Variants in ARB2A observed in about 807,000 individuals in gnomAD.
ARB2A encodes ARB2 cotranscriptional regulator A.
chr5:94,037,469 C>A, the ARB2A span, among the ~76,000 whole-genome samples: 1 of 152,058 alleles, frequency 6.6e-6, no homozygotes, highest in Non-Finnish European at 1.5e-5. Flanking sequence ...AATTAAAAAT[C>A]TTCTTAATGA....
chr5:93,896,531 C>A, the ARB2A span, among the ~76,000 whole-genome samples: 4 of 151,916 alleles, frequency 2.6e-5, no homozygotes, highest in African/African-American at 7.2e-5. Context: ...GCAAATACTG[C>A]AAAATCTGAA....
the ARB2A span, among the ~76,000 whole-genome samples, chr5:93,968,115 C>T: frequency 6.6e-6 from 1 of 152,130 alleles, no homozygotes; most frequent in Admixed American, 6.5e-5. Context: ...GACCTATTTA[C>T]TTCAGTTCCT....
the ARB2A span, chr5:93,881,343 G>T: frequency 1.5e-6 from 1 of 667,588 alleles, no homozygotes; most frequent in Non-Finnish European, 2.4e-6. Flanking sequence ...CCAAGTAGAC[G>T]ACTATGGGAA....
At chr5:94,098,153 T>A in the ARB2A span, among the ~76,000 whole-genome samples, 1 of 151,618 alleles carries the variant, frequency 6.6e-6, no homozygotes, top group Admixed American at 6.6e-5. Context: ...AGTCAAACCC[T>A]CAAAGGCATC....
chr5:93,973,143 G>A, the ARB2A span, among the ~76,000 whole-genome samples: 4 of 104,530 alleles, frequency 3.8e-5, no homozygotes, highest in Non-Finnish European at 1.9e-5. Flanking sequence ...TAGAAACCAG[G>A]TCTCACTATG....
chr5:93,788,822 A>G, the ARB2A span, among the ~76,000 whole-genome samples: 2 of 152,212 alleles, frequency 1.3e-5, no homozygotes, highest in Admixed American at 6.5e-5. Context: ...TCTCTAATCC[A>G]GGGCCTTGGG....
At chr5:93,764,910 A>G in the ARB2A span, among the ~76,000 whole-genome samples, 165 of 152,342 alleles carry the variant, frequency 1.1e-3, no homozygotes, top group African/African-American at 3.8e-3. Context: ...CAATAAACAT[A>G]ATCCAGCACA....
the ARB2A span, among the ~76,000 whole-genome samples, chr5:93,709,056 G>C: frequency 6.8e-6 from 1 of 147,700 alleles, no homozygotes; most frequent in Non-Finnish European, 1.5e-5. Context: ...CACACAAATG[G>C]TAACTATGTA....
the ARB2A span, among the ~76,000 whole-genome samples, chr5:94,102,528 A>C: frequency 1.3e-5 from 2 of 152,154 alleles, no homozygotes; most frequent in Non-Finnish European, 2.9e-5. Flanking sequence ...GATTATGTAA[A>C]CAGACCAAAC....
At chr5:93,895,581 AC>A in the ARB2A span, among the ~76,000 whole-genome samples, 1 of 152,166 alleles carries the variant, frequency 6.6e-6, no homozygotes, top group African/African-American at 2.4e-5. Context: ...ACATGATAGC[AC>A]AAAATCCATA....
the ARB2A span, among the ~76,000 whole-genome samples, chr5:93,693,780 C>T: frequency 7.2e-5 from 11 of 152,192 alleles, no homozygotes; most frequent in South Asian, 1.0e-3. Flanking sequence ...AACATCGATG[C>T]GAAAATCTTC....
the ARB2A span, among the ~76,000 whole-genome samples, chr5:93,775,275 T>C: frequency 6.6e-6 from 1 of 152,192 alleles, no homozygotes; most frequent in East Asian, 1.9e-4. Context: ...TATTTTCAAC[T>C]TTAAGTACTC....
chr5:93,976,516 G>C, the ARB2A span, among the ~76,000 whole-genome samples: 1 of 152,206 alleles, frequency 6.6e-6, no homozygotes, highest in African/African-American at 2.4e-5. Flanking sequence ...AGGGAGGGAA[G>C]TGATTACATT....
chr5:93,761,596 G>A, the ARB2A span, among the ~76,000 whole-genome samples: 10 of 152,212 alleles, frequency 6.6e-5, no homozygotes, highest in Non-Finnish European at 1.3e-4. Context: ...AGCTCAAGGA[G>A]GCCTGCCTGC....
chr5:94,055,346 G>A, the ARB2A span, among the ~76,000 whole-genome samples: 24 of 151,986 alleles, frequency 1.6e-4, no homozygotes, highest in African/African-American at 5.1e-4. Flanking sequence ...CTTTATTTCC[G>A]TCTCTCACAG....
chr5:93,693,212 C>T, the ARB2A span, among the ~76,000 whole-genome samples: 1 of 152,182 alleles, frequency 6.6e-6, no homozygotes, highest in South Asian at 2.1e-4. Context: ...CAGAGCAGAA[C>T]TGAAGGAGAC....
At chr5:93,646,601 CA>C in the ARB2A span, among the ~76,000 whole-genome samples, 1 of 151,738 alleles carries the variant, frequency 6.6e-6, no homozygotes, top group African/African-American at 2.4e-5. Flanking sequence ...AGGTTTAGCA[CA>C]ATGATTTAAT....
At chr5:93,690,482 G>C in the ARB2A span, among the ~76,000 whole-genome samples, 1 of 152,148 alleles carries the variant, frequency 6.6e-6, no homozygotes, top group African/African-American at 2.4e-5. Context: ...GCAAAGCTGA[G>C]GTAGCCAGAC....
chr5:93,633,415 T>C, the ARB2A span, among the ~76,000 whole-genome samples: 1 of 152,342 alleles, frequency 6.6e-6, no homozygotes, highest in South Asian at 2.1e-4. Context: ...CTCCTCATTA[T>C]ATAAAATTAG....
Sources: allele counts gnomAD v4.1 joint callset (sites outside exome capture counted in the v4.1 genomes callset), GRCh38; gene constraint gnomAD v4.1.1; transcripts MANE v1.5; gene names NCBI Gene and HGNC (gene_info 2026-07-23, HGNC 2026-07-21).